ABCC11: variants seen among roughly 807,000 people sequenced by gnomAD.
The protein encoded by ABCC11 is ATP binding cassette subfamily C member 11.
In ABCC11, 135 loss-of-function variants were observed where a neutral mutation model predicts 149.3. That is an observed-to-expected ratio of 0.90 (90% CI 0.79 to 1.04). The LOEUF is 1.04. ABCC11 is among the 50% of genes least tolerant of loss of function. The pLI is 0.00. For missense variants in ABCC11, 1,680 were observed against 1,722.1 expected (o/e 0.98, Z 0.43); for synonymous variants, 665 against 671.4 (o/e 0.99, Z 0.15).
Position 48,194,262 on chromosome 16 carries a change from C to T in ABCC11, c.2405-280G>A, listed in dbSNP as rs149181268. On this transcript the variant is annotated intron_variant, in intron 18 of 29. Coordinates refer to ENST00000356608, the MANE Select transcript of ABCC11 (RefSeq NM_001370497.1). ...TATGAAATAGTGATAACCTTACCAG[C>T]TTCAGAGCCATGCTGAAGATGATAT... Among the ~76,000 whole-genome samples, 434 of 152,302 alleles carry T rather than the reference C, an allele frequency of 2.8e-3. 1 individual carries two copies. Among genetic ancestry groups the T allele is most frequent in the Non-Finnish European group, 3.8e-3 (257 of 68,026 alleles).
intron 1 of ABCC11, among the ~76,000 whole-genome samples, chr16:48,233,762 G>A (rs1970546890): frequency 6.6e-6 from 1 of 152,190 alleles, no homozygotes; most frequent in Admixed American, 6.5e-5. Context: ...CCTCAGTGCT[G>A]TGCTCATAAA....
At chr16:48,243,401 CAAAAAAAAAAA>C (rs541776018) in intron 1 of ABCC11, among the ~76,000 whole-genome samples, 2 of 72,842 alleles carry the variant, frequency 2.7e-5, no homozygotes, top group African/African-American at 9.2e-5. Flanking sequence ...GACTCCGTCT[CAAAAAAAAAAA>C]AAAAAAAAAA....
At chr16:48,210,526 C>T (rs2150857578) in intron 11 of ABCC11, 1 of 167,500 alleles carries the variant, frequency 6.0e-6, no homozygotes, top group South Asian at 1.6e-4. Flanking sequence ...GAGGAGACAG[C>T]AGGAAGCTAA....
chr16:48,196,362 A>AT (rs746346166), intron 17 of ABCC11, 41 bp from the exon 18 acceptor site: 2 of 1,580,920 alleles, frequency 1.3e-6, no homozygotes, highest in Non-Finnish European at 1.7e-6. Context: ...TATGCCTGCC[A>AT]ATCACATGAT....
intron 26 of ABCC11, among the ~76,000 whole-genome samples, chr16:48,173,779 C>T (rs1965865256): frequency 6.6e-6 from 1 of 151,972 alleles, no homozygotes; most frequent in South Asian, 2.1e-4. Context: ...CATGCACCAC[C>T]ACATCTGGCT....
At chr16:48,168,733 C>A (rs548617094) in intron 28 of ABCC11, among the ~76,000 whole-genome samples, 21 of 152,266 alleles carry the variant, frequency 1.4e-4, no homozygotes, top group African/African-American at 4.8e-4. Flanking sequence ...AGTTAATGTC[C>A]TTTGCAGGGA....
intron 10 of ABCC11, among the ~76,000 whole-genome samples, chr16:48,212,238 C>G (rs1352730603): frequency 1.3e-5 from 2 of 152,166 alleles, no homozygotes; most frequent in Non-Finnish European, 2.9e-5. Context: ...TCAGCCTGGT[C>G]ATCATCACTC....
chr16:48,191,060 C>T (rs888696176), intron 20 of ABCC11, among the ~76,000 whole-genome samples: 7 of 152,038 alleles, frequency 4.6e-5, no homozygotes, highest in Middle Eastern at 3.2e-3. Flanking sequence ...TTTATGGCGG[C>T]GGAACTATTC....
intron 22 of ABCC11, among the ~76,000 whole-genome samples, chr16:48,185,728 C>A (rs753834581): frequency 2.0e-5 from 3 of 152,096 alleles, no homozygotes; most frequent in Non-Finnish European, 4.4e-5. Flanking sequence ...TGAACCTTTG[C>A]ATAAGACATT....
intron 1 of ABCC11, among the ~76,000 whole-genome samples, chr16:48,232,877 G>T (rs968921110): frequency 2.6e-5 from 4 of 152,104 alleles, no homozygotes; most frequent in African/African-American, 4.8e-5. Flanking sequence ...TATGTAGTTG[G>T]TCCTGGTGTT....
At chr16:48,181,846 C>T (rs1966455724) in intron 23 of ABCC11, among the ~76,000 whole-genome samples, 1 of 152,220 alleles carries the variant, frequency 6.6e-6, no homozygotes, top group Non-Finnish European at 1.5e-5. Context: ...ATCTCCTGAC[C>T]TCGTGATCCA....
chr16:48,215,969 T>G, intron 7 of ABCC11, 145 bp downstream of exon 7: 1 of 860,192 alleles, frequency 1.2e-6, no homozygotes, highest in Admixed American at 2.3e-5. Context: ...GAGAATAGTT[T>G]GAAGTAGGGA....
intron 8 of ABCC11, 82 bp from the exon 9 acceptor site, chr16:48,215,111 A>G (rs938085261): frequency 7.0e-6 from 11 of 1,582,248 alleles, no homozygotes; most frequent in Non-Finnish European, 9.5e-6. Flanking sequence ...AAAGCATTAA[A>G]AAGAAAAAAA....
chr16:48,180,646 C>T (rs978991316), intron 23 of ABCC11, among the ~76,000 whole-genome samples: 1 of 152,172 alleles, frequency 6.6e-6, no homozygotes, highest in African/African-American at 2.4e-5. Flanking sequence ...GTAATTTTCT[C>T]AAAAGCGCAT....
intron 4 of ABCC11, among the ~76,000 whole-genome samples, chr16:48,225,765 C>T (rs947319718): frequency 2.1e-4 from 32 of 152,318 alleles, no homozygotes; most frequent in Admixed American, 1.8e-3. Context: ...CACTGATGAC[C>T]ATTGCCTAGC....
chr16:48,174,104 T>C (rs1042884262), intron 26 of ABCC11, among the ~76,000 whole-genome samples: 1 of 152,234 alleles, frequency 6.6e-6, no homozygotes, highest in Non-Finnish European at 1.5e-5. Flanking sequence ...ATCCCAGTCG[T>C]AGCTCCCTTA....
Position 48,187,407 on chromosome 16 carries a change from A to G in ABCC11, c.2727T>C (p.Ser909=), listed in dbSNP as rs904435056. ...GGCCTATTGGGATGGTGTCAAAGAA[A>G]CTCATGGGGCAGCGGAAAACCTGCA... ...LFNKVFRCPM[S]FFDTIPIGRL... The change falls in exon 21 of 30, where the codon AGT becomes AGC. Residue 909 remains serine, a synonymous_variant. Coordinates refer to ENST00000356608, the MANE Select transcript of ABCC11 (RefSeq NM_001370497.1). The G allele has an allele frequency of 6.2e-7, 1 of 1,613,420 alleles. No homozygotes were observed. The highest frequency in any genetic ancestry group is 1.7e-5 in the Admixed American group (1 of 59,934).
rs1399498741 is a variant in ABCC11 at position 48,215,043 on chromosome 16, A to G, written c.1100-14T>C. 6.2e-7 allele frequency: 1 copy of G among 1,612,826 alleles called. No individual in the cohort carries two copies. Among genetic ancestry groups the G allele is most frequent in the African/African-American group, 1.3e-5 (1 of 74,792 alleles). On this transcript the variant is annotated splice_polypyrimidine_tract_variant and intron_variant, in intron 8 of 29. Transcript: ENST00000356608. ...TCCTTCTTAGGTCTGGGAAATAAAAAAGAAATACACCAAAGATAACCACAA... is the reference window on the plus strand; with the variant it reads ...TCCTTCTTAGGTCTGGGAAATAAAAGAGAAATACACCAAAGATAACCACAA...
At position 48,177,240 on chromosome 16, in the gene ABCC11, C is replaced by G. The variant is rs111327948; in HGVS notation, c.3349-127G>C. The stretch of plus-strand genomic sequence containing the variant: ...CAGCCTGCCTTGCGCCAAGGTCAAG[C>G]CCCCTGCTGTGTAATCAGAGGAACA... On this transcript the variant is annotated intron_variant, in intron 24 of 29. Transcript: ENST00000356608. The G allele has an allele frequency of 3.0e-3, 2,736 of 914,608 alleles. 48 individuals carry two copies. In the African/African-American group the frequency reaches 0.042, roughly 14 times the overall value. The allele number at this position is 914,608 out of a possible 1,614,324, so 56.7% of individuals were successfully genotyped here.
Sources: gnomAD v4.1 joint callset for allele counts (sites outside exome capture counted in the v4.1 genomes callset) on GRCh38, gnomAD v4.1.1 for gene constraint, MANE v1.5 for transcripts, NCBI Gene and HGNC (gene_info 2026-07-23, HGNC 2026-07-21) for gene names.